Variants in MDGA2 observed in about 807,000 individuals in gnomAD.
MDGA2 encodes the protein MAM domain containing glycosylphosphatidylinositol anchor 2.
Under a neutral mutation model 117.8 loss-of-function variants are expected in MDGA2, and 40 were observed. That is an observed-to-expected ratio of 0.34 (90% CI 0.26 to 0.44). The LOEUF (loss-of-function observed/expected upper bound fraction) is 0.44, where lower values mean the gene tolerates loss of function less well. Among genes scored for constraint, MDGA2 ranks in the 20% least tolerant of loss-of-function variants. MDGA2 has a pLI of 1.00. For synonymous variants in MDGA2, 452 were observed against 439.0 expected (o/e 1.03, Z -0.37); for missense variants, 1,123 against 1,250.6 (o/e 0.90, Z 1.54).
chr14:47,023,220 A>C lies in MDGA2; in HGVS notation c.1819+11791T>G, dbSNP rs1594537575. 2.0e-5 allele frequency among the ~76,000 whole-genome samples: 3 copies of C among 151,846 alleles called. No homozygotes were observed. In the South Asian group the frequency reaches 6.2e-4, roughly 32 times the overall value. On this transcript the variant is annotated intron_variant, in intron 8 of 16. Coordinates refer to ENST00000399232, the MANE Select transcript of MDGA2 (RefSeq NM_001113498.3). ...TCGTAAAAAAAAAAAAAAAAAAAGA[A>C]AAAGAAAGAAAGAAAAAAGTTCATC...
intron 1 of MDGA2, among the ~76,000 whole-genome samples, chr14:47,366,980 C>T (rs112867853): frequency 1.4e-4 from 22 of 151,746 alleles, no homozygotes; most frequent in African/African-American, 5.1e-4. Context: ...TGAGCAGAAA[C>T]CTTAATCTAC....
At chr14:47,656,440 G>A (rs1897745980) in intron 1 of MDGA2, among the ~76,000 whole-genome samples, 2 of 152,116 alleles carry the variant, frequency 1.3e-5, no homozygotes, top group Non-Finnish European at 2.9e-5. Flanking sequence ...CCCACTAATG[G>A]GTGCCTTCAA....
chr14:47,530,051 C>T (rs1002840876), intron 1 of MDGA2, among the ~76,000 whole-genome samples: 1 of 152,176 alleles, frequency 6.6e-6, no homozygotes. Flanking sequence ...TGATGTGCTT[C>T]CCCCTGCAGA....
intron 5 of MDGA2, among the ~76,000 whole-genome samples, chr14:47,100,846 T>C (rs1228888194): frequency 1.3e-5 from 2 of 152,156 alleles, no homozygotes; most frequent in African/African-American, 4.8e-5. Context: ...ATTAAAATAA[T>C]TCCAACTACA....
At chr14:47,013,052 T>C (rs1887950820) in intron 8 of MDGA2, among the ~76,000 whole-genome samples, 1 of 152,112 alleles carries the variant, frequency 6.6e-6, no homozygotes, top group Non-Finnish European at 1.5e-5. Context: ...TGGTGGTTGT[T>C]AACCACCACC....
chr14:47,626,312 T>C (rs1418256564), intron 1 of MDGA2: 2 of 152,330 alleles, frequency 1.3e-5, no homozygotes, highest in East Asian at 1.9e-4. Context: ...CTACCTGAGA[T>C]AGTCCGGCTT....
chr14:47,540,856 C>A (rs971091878), intron 1 of MDGA2, among the ~76,000 whole-genome samples: 3 of 152,066 alleles, frequency 2.0e-5, no homozygotes, highest in East Asian at 3.9e-4. Flanking sequence ...TGAACTACTA[C>A]ACCCAACCAC....
intron 1 of MDGA2, among the ~76,000 whole-genome samples, chr14:47,400,507 A>C (rs1892111215): frequency 6.6e-6 from 1 of 151,792 alleles, no homozygotes; most frequent in African/African-American, 2.4e-5. Flanking sequence ...TGTAGGATTT[A>C]TATCAGTGAC....
intron 8 of MDGA2, among the ~76,000 whole-genome samples, chr14:47,034,227 C>T (rs1888759833): frequency 6.6e-6 from 1 of 152,114 alleles, no homozygotes; most frequent in East Asian, 1.9e-4. Flanking sequence ...AATAGTAACA[C>T]TGGTACATTT....
chr14:47,542,704 A>T (rs1332382417), intron 1 of MDGA2, among the ~76,000 whole-genome samples: 1 of 152,242 alleles, frequency 6.6e-6, no homozygotes, highest in Admixed American at 6.5e-5. Flanking sequence ...AGTCAACTGG[A>T]GTAAAAATAA....
At chr14:47,191,798 A>C (rs1167928896) in intron 3 of MDGA2, among the ~76,000 whole-genome samples, 1 of 152,142 alleles carries the variant, frequency 6.6e-6, no homozygotes, top group East Asian at 1.9e-4. Context: ...GTAATATTGC[A>C]TATCTACTGT....
At chr14:47,609,212 T>C (rs1363863596) in intron 1 of MDGA2, among the ~76,000 whole-genome samples, 1 of 151,032 alleles carries the variant, frequency 6.6e-6, no homozygotes, top group African/African-American at 2.4e-5. Flanking sequence ...CTCACCTCCC[T>C]CCTACTCGTC....
In MDGA2 at chr14:47,239,435, C is replaced by T. The variant is rs926858499; in HGVS notation, c.421-21240G>A. On this transcript the variant is annotated intron_variant, in intron 2 of 16. Transcript: ENST00000399232. Reference sequence around the variant, plus strand: ...TAAACTTTCTAAGGGATGAGAAAATCAGCCTTCTCAAAAAGATGTGTTTGC... The same window carrying T: ...TAAACTTTCTAAGGGATGAGAAAATTAGCCTTCTCAAAAAGATGTGTTTGC... 4.0e-5 allele frequency among the ~76,000 whole-genome samples: 6 copies of T among 151,712 alleles called. 1 individual carries two copies. The highest frequency in any genetic ancestry group is 8.8e-5 in the Non-Finnish European group (6 of 67,806).
intron 7 of MDGA2, among the ~76,000 whole-genome samples, chr14:47,039,032 A>G (rs1230594932): frequency 6.6e-6 from 1 of 151,934 alleles, no homozygotes; most frequent in Admixed American, 6.6e-5. Flanking sequence ...AGACTGTATA[A>G]TTTCTCAAAC....
chr14:47,665,912 G>A (rs1897947200), intron 1 of MDGA2, among the ~76,000 whole-genome samples: 1 of 150,198 alleles, frequency 6.7e-6, no homozygotes, highest in Admixed American at 6.6e-5. Flanking sequence ...ATGGTGCCCA[G>A]TCCCATCAAC....
chr14:47,535,950 T>A (rs1260632468), intron 1 of MDGA2, among the ~76,000 whole-genome samples: 2 of 152,258 alleles, frequency 1.3e-5, no homozygotes, highest in African/African-American at 4.8e-5. Flanking sequence ...CCAAGAGGGC[T>A]TCACATGTCT....
intron 16 of MDGA2, among the ~76,000 whole-genome samples, chr14:46,842,777 G>T (rs1880671152): frequency 6.6e-6 from 1 of 152,162 alleles, no homozygotes; most frequent in Non-Finnish European, 1.5e-5. Flanking sequence ...TTTGAAAATT[G>T]AGACATACAA....
At chr14:46,949,127 C>T (rs1172322350) in intron 9 of MDGA2, among the ~76,000 whole-genome samples, 1 of 151,974 alleles carries the variant, frequency 6.6e-6, no homozygotes, top group Non-Finnish European at 1.5e-5. Context: ...TTATCATCTC[C>T]CATTTTACAG....
chr14:47,263,011 T>C (rs941547539), intron 2 of MDGA2, among the ~76,000 whole-genome samples: 1 of 152,056 alleles, frequency 6.6e-6, no homozygotes. Flanking sequence ...CCCAAGTTCA[T>C]TGCAAAGTGT....
Sources: allele counts gnomAD v4.1 joint callset (sites outside exome capture counted in the v4.1 genomes callset), GRCh38; gene constraint gnomAD v4.1.1; transcripts MANE v1.5; gene names NCBI Gene and HGNC (gene_info 2026-07-23, HGNC 2026-07-21).